Variants in NRXN1 observed in about 807,000 individuals in gnomAD.
NRXN1 encodes the protein neurexin 1, also known as neurexin-1.
NRXN1 carries 39 observed loss-of-function variants against 150.9 expected under a neutral mutation model. The observed-to-expected ratio is 0.26, with a 90% CI of 0.20 to 0.34. The LOEUF is 0.34. NRXN1 is among the 10% of genes least tolerant of loss of function. NRXN1 has a pLI of 1.00. For missense variants in NRXN1, 1,815 were observed against 1,949.9 expected (o/e 0.93, Z 1.30); for synonymous variants, 924 against 757.0 (o/e 1.22, Z -3.62).
At chr2:50,314,276 T>C (rs1351694689) in intron 17 of NRXN1, among the ~76,000 whole-genome samples, 1 of 152,052 alleles carries the variant, frequency 6.6e-6, no homozygotes, top group Admixed American at 6.6e-5. Flanking sequence ...CTGTTTCCCA[T>C]GTGGACTCTG....
intron 17 of NRXN1, among the ~76,000 whole-genome samples, chr2:50,294,301 G>C (rs1351661175): frequency 6.6e-6 from 1 of 152,054 alleles, no homozygotes; most frequent in Non-Finnish European, 1.5e-5. Flanking sequence ...TTATTTTTTA[G>C]GAATTGCTCA....
At chr2:50,273,615 T>C (rs1013556736) in intron 17 of NRXN1, among the ~76,000 whole-genome samples, 1 of 152,058 alleles carries the variant, frequency 6.6e-6, no homozygotes, top group Non-Finnish European at 1.5e-5. Flanking sequence ...AACAATAGAA[T>C]TGAAAACCTG....
chr2:50,613,936 T>C (rs1559020858), intron 8 of NRXN1, among the ~76,000 whole-genome samples: 1 of 152,128 alleles, frequency 6.6e-6, no homozygotes, highest in Admixed American at 6.6e-5. Flanking sequence ...TGAAGATGTA[T>C]CACCACATAA....
In NRXN1 at chr2:49,959,923, G is replaced by C. The variant is rs556173305; in HGVS notation, c.4129-16132C>G. On this transcript the variant is annotated intron_variant, in intron 21 of 22. Coordinates refer to ENST00000401669, the MANE Select transcript of NRXN1 (RefSeq NM_001330078.2). ...TCCTTGCCTAGCATATTGTGAAGTG[G>C]AAGGGGAAAAAGCCAAACAGTGCAT... is the stretch of plus-strand genomic sequence containing the variant. Among the ~76,000 whole-genome samples the C allele has an allele frequency of 1.4e-4, 21 of 152,318 alleles. No homozygotes were observed. In the South Asian group the frequency reaches 4.3e-3, roughly 32 times the overall value.
chr2:50,008,301 T>C (rs951067792), intron 21 of NRXN1, among the ~76,000 whole-genome samples: 2 of 152,080 alleles, frequency 1.3e-5, no homozygotes, highest in African/African-American at 4.8e-5. Flanking sequence ...TGGGTTTGGA[T>C]CTAACTTTTG....
intron 18 of NRXN1, among the ~76,000 whole-genome samples, chr2:50,118,166 G>A (rs1703333586): frequency 6.6e-6 from 1 of 152,156 alleles, no homozygotes; most frequent in African/African-American, 2.4e-5. Flanking sequence ...TAAAAAGCAG[G>A]ATTGTAAGGA....
intron 5 of NRXN1, among the ~76,000 whole-genome samples, chr2:50,905,600 CTAATGACACTGTTCTTTCTT>C (rs1314255569): frequency 1.2e-4 from 19 of 152,218 alleles, no homozygotes; most frequent in African/African-American, 4.6e-4. Flanking sequence ...TCCAATATTT[CTAATGACACTGTTCTTTCTT>C]TCAGGTGTCC....
chr2:50,988,447 G>T (rs1698048268), intron 2 of NRXN1, among the ~76,000 whole-genome samples: 1 of 151,898 alleles, frequency 6.6e-6, no homozygotes, highest in Non-Finnish European at 1.5e-5. Flanking sequence ...AAATAAGAAT[G>T]CCAATTTTGT....
At chr2:50,653,379 T>C (rs1429907848) in intron 5 of NRXN1, among the ~76,000 whole-genome samples, 2 of 152,004 alleles carry the variant, frequency 1.3e-5, no homozygotes, top group Non-Finnish European at 2.9e-5. Context: ...TATAGTCGTA[T>C]TTGGCAGCTT....
At chr2:50,954,773 C>T (rs1420868835) in intron 2 of NRXN1, among the ~76,000 whole-genome samples, 2 of 152,178 alleles carry the variant, frequency 1.3e-5, no homozygotes, top group Non-Finnish European at 2.9e-5. Flanking sequence ...GAATTAGGTA[C>T]TCAACAGGAG....
intron 18 of NRXN1, among the ~76,000 whole-genome samples, chr2:50,200,752 A>G (rs2062101343): frequency 1.3e-5 from 2 of 152,164 alleles, no homozygotes; most frequent in South Asian, 4.1e-4. Flanking sequence ...TAGTGCACTG[A>G]GTTATGGTTT....
intron 17 of NRXN1, among the ~76,000 whole-genome samples, chr2:50,423,146 T>C (rs1266378190): frequency 1.3e-5 from 2 of 152,184 alleles, no homozygotes; most frequent in African/African-American, 4.8e-5. Flanking sequence ...TTCCTGTCTA[T>C]CTTTACTTAA....
chr2:50,637,519 C>T (rs1028558856), intron 5 of NRXN1: 1 of 152,224 alleles, frequency 6.6e-6, no homozygotes, highest in Non-Finnish European at 1.5e-5. Flanking sequence ...CTTGAGGTAA[C>T]TCACAGAATA....
rs544728860 is a variant in NRXN1, at chr2:50,237,728, T to C, written c.3365-758A>G. Reference sequence around the variant, plus strand: ...TTATGGTTGTCTGGTCAGTAAATTATCCAGCTTAAATGAAAAGAGTCTTTT... The same window carrying C: ...TTATGGTTGTCTGGTCAGTAAATTACCCAGCTTAAATGAAAAGAGTCTTTT... On this transcript the variant is annotated intron_variant, in intron 17 of 22. Coordinates refer to ENST00000401669, the MANE Select transcript of NRXN1 (RefSeq NM_001330078.2). 2.0e-5 allele frequency among the ~76,000 whole-genome samples: 3 copies of C among 152,120 alleles called. No homozygotes were observed. In the South Asian group the frequency reaches 6.2e-4, roughly 32 times the overall value.
intron 2 of NRXN1, among the ~76,000 whole-genome samples, chr2:50,965,904 T>C (rs1023073301): frequency 2.6e-5 from 4 of 151,592 alleles, no homozygotes; most frequent in Non-Finnish European, 5.9e-5. Flanking sequence ...TTTATGTATT[T>C]ATATTAAACT....
chr2:50,415,771 T>A (rs964858234), intron 17 of NRXN1, among the ~76,000 whole-genome samples: 2 of 152,032 alleles, frequency 1.3e-5, no homozygotes, highest in Non-Finnish European at 2.9e-5. Flanking sequence ...TACATCTTTT[T>A]GCATTAATTC....
intron 5 of NRXN1, among the ~76,000 whole-genome samples, chr2:50,890,931 A>G (rs973757088): frequency 3.9e-5 from 6 of 151,998 alleles, no homozygotes; most frequent in Non-Finnish European, 7.4e-5. Flanking sequence ...AGAATAAAAT[A>G]AGTAGATATT....
intron 5 of NRXN1, among the ~76,000 whole-genome samples, chr2:50,820,242 C>T (rs1669529903): frequency 1.3e-5 from 2 of 152,062 alleles, no homozygotes; most frequent in Admixed American, 1.3e-4. Context: ...AATTTTAGTG[C>T]AGAATTGCTT....
rs978724576 is a variant in NRXN1 at position 50,808,103 on chromosome 2, A to G, written c.832+113766T>C. ...AAATGTAGGCACTTTTATAACTATGAGTGAGGCTGGTAAGGTAGTGTTTAG... is the reference window on the plus strand; with the variant it reads ...AAATGTAGGCACTTTTATAACTATGGGTGAGGCTGGTAAGGTAGTGTTTAG... On this transcript the variant is annotated intron_variant, in intron 5 of 22. Transcript: ENST00000401669. 9.9e-5 allele frequency among the ~76,000 whole-genome samples: 15 copies of G among 152,166 alleles called. No homozygotes were observed. The East Asian group carries it at 2.5e-3, about 26-fold the overall frequency.
Sources: gnomAD v4.1 joint callset for allele counts (sites outside exome capture counted in the v4.1 genomes callset) on GRCh38, gnomAD v4.1.1 for gene constraint, MANE v1.5 for transcripts, NCBI Gene and HGNC (gene_info 2026-07-23, HGNC 2026-07-21) for gene names.